Variants in HUNK observed in about 807,000 individuals in gnomAD.
HUNK encodes hormonally up-regulated neu tumor-associated kinase.
Under a neutral mutation model 61.0 loss-of-function variants are expected in HUNK, and 21 were observed. That is an observed-to-expected ratio of 0.34 (90% CI 0.24 to 0.50). HUNK has a LOEUF of 0.50. Ranked by LOEUF, HUNK falls within the 20% of genes least tolerant of loss-of-function variation. The pLI is 0.98. For synonymous variants in HUNK, 371 were observed against 386.1 expected (o/e 0.96, Z 0.46); for missense variants, 772 against 945.7 (o/e 0.82, Z 2.41).
intron 2 of HUNK, among the ~76,000 whole-genome samples, chr21:31,932,104 C>T (rs968299958): frequency 8.5e-5 from 13 of 152,230 alleles, no homozygotes; most frequent in Non-Finnish European, 1.2e-4. Context: ...CATGCACATA[C>T]GTGCACATAG....
intron 2 of HUNK, among the ~76,000 whole-genome samples, chr21:31,930,845 G>T (rs1343104187): frequency 1.3e-5 from 2 of 152,060 alleles, no homozygotes; most frequent in African/African-American, 4.8e-5. Context: ...GTCACAATTT[G>T]TAGAGTGGCA....
At chr21:31,973,582 T>G (rs1247186451) in intron 6 of HUNK, among the ~76,000 whole-genome samples, 11 of 61,280 alleles carry the variant, frequency 1.8e-4, no homozygotes, top group Admixed American at 1.4e-3. Context: ...ATGGTGGTGG[T>G]GATGATGATG....
At chr21:31,956,014 T>TA (rs1225158465) in intron 4 of HUNK, among the ~76,000 whole-genome samples, 1 of 152,234 alleles carries the variant, frequency 6.6e-6, no homozygotes, top group Non-Finnish European at 1.5e-5. Context: ...TGAAGCTCAT[T>TA]AACTGCATGA....
chr21:31,919,873 C>T (rs1420280495), intron 1 of HUNK, among the ~76,000 whole-genome samples: 2 of 152,222 alleles, frequency 1.3e-5, no homozygotes, highest in Admixed American at 6.5e-5. Context: ...CTCTCCATGC[C>T]TGGAAATGCG....
chr21:31,998,511 T>C lies in HUNK; in HGVS notation c.1487-15T>C, dbSNP rs1229655118. 1 of 1,562,308 alleles carries C rather than the reference T, an allele frequency of 6.4e-7. No homozygotes were observed. Among genetic ancestry groups the C allele is most frequent in the Admixed American group, 1.9e-5 (1 of 53,114 alleles). On this transcript the variant is annotated splice_polypyrimidine_tract_variant and intron_variant, in intron 10 of 10. Transcript: ENST00000270112. ...CGGACGTCCTCATGATTGTTTATGC[T>C]TTCTTGGTGTGCAGATTCCTTTGGC...
At chr21:31,889,527 C>T (rs971926161) in intron 1 of HUNK, among the ~76,000 whole-genome samples, 2 of 152,158 alleles carry the variant, frequency 1.3e-5, no homozygotes, top group African/African-American at 4.8e-5. Context: ...GTCGATGACT[C>T]AGTTCTCAGT....
intron 4 of HUNK, among the ~76,000 whole-genome samples, chr21:31,952,867 T>G (rs1440716564): frequency 6.6e-6 from 1 of 152,022 alleles, no homozygotes; most frequent in Non-Finnish European, 1.5e-5. Flanking sequence ...CGTATTTGAT[T>G]GTTGCCCTCT....
At chr21:31,984,952 C>T (rs947645993) in intron 8 of HUNK, among the ~76,000 whole-genome samples, 1 of 152,136 alleles carries the variant, frequency 6.6e-6, no homozygotes, top group African/African-American at 2.4e-5. Context: ...ACAATCATGG[C>T]AGAAGGTAAA....
rs764316051 is a variant in HUNK, at chr21:31,946,202, T to C, written c.746+31T>C. ...TTATCAAGCTTCTGAAAGTCAGTGT[T>C]CCTCCTGCTGTCTCCACCGTGCCTT... On this transcript the variant is annotated intron_variant, in intron 4 of 10. Coordinates refer to ENST00000270112, the MANE Select transcript of HUNK (RefSeq NM_014586.2). 8.8e-6 allele frequency: 14 copies of C among 1,598,990 alleles called. No homozygotes were observed. In the South Asian group the frequency reaches 1.4e-4, roughly 16 times the overall value.
chr21:31,894,572 A>G (rs943690750), intron 1 of HUNK, among the ~76,000 whole-genome samples: 19 of 152,298 alleles, frequency 1.2e-4, no homozygotes, highest in African/African-American at 4.1e-4. Context: ...TTTTGTACAC[A>G]TTGGAAAAGC....
chr21:31,998,590 C>G lies in HUNK; in HGVS notation c.1551C>G (p.Ser517=), dbSNP rs745855537. The change falls in exon 11 of 11, where the codon TCC becomes TCG. Residue 517 remains serine (S), a synonymous_variant. Coordinates refer to ENST00000270112, the MANE Select transcript of HUNK (RefSeq NM_014586.2). Reference sequence around the variant, plus strand: ...ATTCCAATTGTGTGGCTTCTTCTTCCATGGAGTTCATCCCCGTGCCACCGC... The same window carrying G: ...ATTCCAATTGTGTGGCTTCTTCTTCGATGGAGTTCATCCCCGTGCCACCGC... ...TSDSNCVASS[S]MEFIPVPPPR... 1 of 1,612,770 alleles carries G rather than the reference C, an allele frequency of 6.2e-7. No homozygotes were observed. Among genetic ancestry groups the G allele is most frequent in the Non-Finnish European group, 8.5e-7 (1 of 1,179,514 alleles).
intron 7 of HUNK, among the ~76,000 whole-genome samples, chr21:31,980,229 G>A (rs2053086256): frequency 6.6e-6 from 1 of 151,844 alleles, no homozygotes; most frequent in Non-Finnish European, 1.5e-5. Flanking sequence ...GCACCACCAT[G>A]CCCAGCAAAT....
chr21:31,933,890 T>C (rs1045606286), intron 2 of HUNK, among the ~76,000 whole-genome samples: 1 of 151,406 alleles, frequency 6.6e-6, no homozygotes, highest in African/African-American at 2.4e-5. Flanking sequence ...CCCTCTCCCC[T>C]CCATGAAAGA....
chr21:31,930,995 C>T (rs538369131), intron 2 of HUNK, among the ~76,000 whole-genome samples: 3 of 140,888 alleles, frequency 2.1e-5, no homozygotes, highest in South Asian at 4.4e-4. Context: ...ACCAAAATAC[C>T]CATATTGTAA....
Position 31,901,009 on chromosome 21 carries a change from C to G in HUNK, c.262-23459C>G, listed in dbSNP as rs1201398790. Among the ~76,000 whole-genome samples the G allele has an allele frequency of 4.6e-5, 7 of 152,278 alleles. No homozygotes were observed. In the East Asian group the frequency reaches 1.4e-3, roughly 29 times the overall value. ...CTTCTGGCACTTCCGTGGCTACTGG[C>G]AGCACGACTCCAGCCTTCCCATGGC... On this transcript the variant is annotated intron_variant, in intron 1 of 10. Transcript: ENST00000270112.
At chr21:31,980,821 T>C (rs554220985) in intron 7 of HUNK, among the ~76,000 whole-genome samples, 1 of 152,254 alleles carries the variant, frequency 6.6e-6, no homozygotes, top group African/African-American at 2.4e-5. Flanking sequence ...TCTCCTGCCT[T>C]AGCCTCCCAA....
chr21:31,876,184 C>T (rs192541570), intron 1 of HUNK, among the ~76,000 whole-genome samples: 2 of 152,262 alleles, frequency 1.3e-5, no homozygotes, highest in Admixed American at 6.5e-5. Context: ...TTCCCCTGGA[C>T]CCATTGGTGG....
At chr21:31,980,272 A>G (rs1187135711) in intron 7 of HUNK, among the ~76,000 whole-genome samples, 2 of 151,458 alleles carry the variant, frequency 1.3e-5, no homozygotes, top group Non-Finnish European at 2.9e-5. Context: ...GGGTTTCACT[A>G]TGTTGGCCAG....
chr21:31,954,469 G>A (rs2833577), intron 4 of HUNK, among the ~76,000 whole-genome samples: 58,543 of 152,078 alleles, frequency 0.38, 11,409 homozygotes, highest in Middle Eastern at 0.56. Flanking sequence ...CTCATTTACA[G>A]GTTAAATAGA....
Sources: gnomAD v4.1 joint callset for allele counts (sites outside exome capture counted in the v4.1 genomes callset) on GRCh38, gnomAD v4.1.1 for gene constraint, MANE v1.5 for transcripts, NCBI Gene and HGNC (gene_info 2026-07-23, HGNC 2026-07-21) for gene names.